The following MLIP variants were observed in gnomAD, a reference collection of about 807,000 sequenced individuals.
The protein encoded by MLIP is muscular LMNA-interacting protein.
A neutral mutation model predicts 84.8 loss-of-function variants in MLIP; 79 were observed. The observed-to-expected ratio is 0.93, with a 90% CI of 0.78 to 1.12. The LOEUF is 1.12. Ranked by LOEUF, MLIP falls within the 50% of genes most tolerant of loss-of-function variation. The probability of loss-of-function intolerance (pLI) is 0.00; values close to 1 mark genes in which losing one functional copy is unlikely to be tolerated. For missense variants in MLIP, 1,257 were observed against 1,160.6 expected (o/e 1.08, Z -1.21); for synonymous variants, 504 against 463.0 (o/e 1.09, Z -1.14).
intron 1 of MLIP, among the ~76,000 whole-genome samples, chr6:54,093,369 T>TATTCCATTCTATTCC (rs1320198320): frequency 1.3e-5 from 2 of 151,630 alleles, no homozygotes; most frequent in African/African-American, 2.4e-5. Context: ...TATTCTATTC[T>TATTCCATTCTATTCC]ATTCTATTCT....
intron 10 of MLIP, among the ~76,000 whole-genome samples, chr6:54,196,145 A>T (rs1204811642): frequency 1.3e-5 from 2 of 152,150 alleles, no homozygotes. Flanking sequence ...TTCAAGAAAA[A>T]TAATGGAAGA....
At chr6:54,239,285 C>T (rs1781566098) in intron 12 of MLIP, among the ~76,000 whole-genome samples, 2 of 150,728 alleles carry the variant, frequency 1.3e-5, no homozygotes, top group African/African-American at 4.9e-5. Flanking sequence ...TTTAAGATCT[C>T]TCACATAGAC....
chr6:54,227,320 A>G (rs1213372429), intron 11 of MLIP, among the ~76,000 whole-genome samples: 3 of 152,176 alleles, frequency 2.0e-5, no homozygotes, highest in Non-Finnish European at 4.4e-5. Flanking sequence ...TATACAGAGG[A>G]CAAATTAACT....
chr6:54,208,552 C>T (rs1397847632), intron 11 of MLIP, among the ~76,000 whole-genome samples: 1 of 152,194 alleles, frequency 6.6e-6, no homozygotes, highest in South Asian at 2.1e-4. Flanking sequence ...TGCCATTTCA[C>T]TTCAGCCTGA....
At chr6:54,249,263 A>T (rs575733772) in intron 12 of MLIP, among the ~76,000 whole-genome samples, 1 of 152,082 alleles carries the variant, frequency 6.6e-6, no homozygotes, top group African/African-American at 2.4e-5. Context: ...TAAAGCCCAG[A>T]CACAAAGTGA....
chr6:54,100,330 C>T (rs2150387873), intron 1 of MLIP, among the ~76,000 whole-genome samples: 1 of 151,840 alleles, frequency 6.6e-6, no homozygotes, highest in East Asian at 1.9e-4. Flanking sequence ...GATGATTGCT[C>T]TTTCAGTTTC....
intron 4 of MLIP, among the ~76,000 whole-genome samples, chr6:54,141,915 T>A (rs945122063): frequency 5.9e-5 from 9 of 152,186 alleles, no homozygotes; most frequent in African/African-American, 2.2e-4. Flanking sequence ...CATAGCTTAT[T>A]TAGGGAACAA....
chr6:54,139,159 G>T (rs1228085946), intron 4 of MLIP, among the ~76,000 whole-genome samples: 1 of 152,040 alleles, frequency 6.6e-6, no homozygotes, highest in Non-Finnish European at 1.5e-5. Flanking sequence ...TTAAAGGGAA[G>T]TAAGAGATTT....
chr6:54,147,145 A>G (rs28385595), intron 4 of MLIP, among the ~76,000 whole-genome samples: 16,116 of 152,204 alleles, frequency 0.11, 1,032 homozygotes, highest in Non-Finnish European at 0.15. Context: ...ATAGAGTGAG[A>G]TGGTATATTT....
chr6:54,198,423 G>A (rs1778446543), intron 10 of MLIP, among the ~76,000 whole-genome samples: 1 of 152,174 alleles, frequency 6.6e-6, no homozygotes, highest in Non-Finnish European at 1.5e-5. Context: ...AATATTCCAA[G>A]AGAGACTTAT....
chr6:54,178,356 A>C (rs1776513957), intron 9 of MLIP, among the ~76,000 whole-genome samples: 1 of 152,004 alleles, frequency 6.6e-6, no homozygotes, highest in Non-Finnish European at 1.5e-5. Context: ...TTCTTTTCAA[A>C]AACCACCTTT....
At position 54,266,001 on chromosome 6, in the gene MLIP, A is replaced by G. The variant is rs376635571; in HGVS notation, c.*46A>G. On this transcript the variant is annotated 3_prime_UTR_variant, in exon 14 of 14. Transcript: ENST00000502396. ...ACACAGGCTGCTGAAGTTTTTTGGAATGCTGGTGCTAACCACTTGCTAGAT... is the reference window on the plus strand; with the variant it reads ...ACACAGGCTGCTGAAGTTTTTTGGAGTGCTGGTGCTAACCACTTGCTAGAT... 1.6e-5 allele frequency: 26 copies of G among 1,604,070 alleles called. No individual in the cohort carries two copies. Among genetic ancestry groups the G allele is most frequent in the Admixed American group, 6.7e-5 (4 of 59,650 alleles).
At chr6:54,027,284 G>A (rs887185682) in intron 1 of MLIP, among the ~76,000 whole-genome samples, 7 of 151,694 alleles carry the variant, frequency 4.6e-5, no homozygotes, top group Non-Finnish European at 8.8e-5. Flanking sequence ...CTTAATGTTT[G>A]TATTGAAATG....
At chr6:54,213,727 A>ACAAAC (rs773372367) in intron 11 of MLIP, among the ~76,000 whole-genome samples, 8 of 9,966 alleles carry the variant, frequency 8.0e-4, no homozygotes, top group Non-Finnish European at 4.9e-3. Context: ...AAAAAAAAAA[A>ACAAAC]AAAAAAAAAC....
At chr6:54,190,592 A>G (rs949302001) in intron 10 of MLIP, among the ~76,000 whole-genome samples, 1 of 152,124 alleles carries the variant, frequency 6.6e-6, no homozygotes, top group African/African-American at 2.4e-5. Context: ...GCAAATCTCA[A>G]TTCTGCCTAG....
intron 1 of MLIP, among the ~76,000 whole-genome samples, chr6:54,043,895 G>A (rs986657630): frequency 1.3e-5 from 2 of 152,184 alleles, no homozygotes; most frequent in Non-Finnish European, 2.9e-5. Context: ...ATCAGGGAGC[G>A]AGATAGAGGT....
intron 9 of MLIP, among the ~76,000 whole-genome samples, chr6:54,187,059 G>A (rs191062984): frequency 6.6e-6 from 1 of 152,146 alleles, no homozygotes; most frequent in Non-Finnish European, 1.5e-5. Flanking sequence ...CTACATTCTT[G>A]GGTGATAAGA....
chr6:54,054,814 G>A (rs1252266901), intron 1 of MLIP, among the ~76,000 whole-genome samples: 4 of 152,022 alleles, frequency 2.6e-5, no homozygotes, highest in Non-Finnish European at 5.9e-5. Flanking sequence ...TTCTCAAGGA[G>A]CCAGACCTCT....
At chr6:54,247,984 G>A (rs974679411) in intron 12 of MLIP, among the ~76,000 whole-genome samples, 7 of 152,068 alleles carry the variant, frequency 4.6e-5, no homozygotes, top group Admixed American at 2.0e-4. Flanking sequence ...TGGGATCTGG[G>A]ATAGATTTCC....
Sources: gnomAD v4.1 joint callset for allele counts (sites outside exome capture counted in the v4.1 genomes callset) on GRCh38, gnomAD v4.1.1 for gene constraint, MANE v1.5 for transcripts, NCBI Gene and HGNC (gene_info 2026-07-23, HGNC 2026-07-21) for gene names.